Variants in SPRED2 observed in about 807,000 individuals in gnomAD.
The protein encoded by SPRED2 is sprouty-related, EVH1 domain-containing protein 2.
Under a neutral mutation model 43.0 loss-of-function variants are expected in SPRED2, and 47 were observed. That is an observed-to-expected ratio of 1.09 (90% confidence interval 0.87 to 1.40). The LOEUF (loss-of-function observed/expected upper bound fraction) is 1.40. Ranked by LOEUF, SPRED2 falls within the 40% of genes most tolerant of loss-of-function variation. The pLI is 0.00. For missense variants in SPRED2, 561 were observed against 586.4 expected (o/e 0.96, Z 0.45); for synonymous variants, 225 against 225.7 (o/e 1.00, Z 0.03).
chr2:65,432,144 A>C lies in SPRED2; in HGVS notation c.-157T>G, dbSNP rs536246791. ...AGGGCGCCGCAGCAGAAGGGGAAGC[A>C]GGGCGCGGGATAGGGTTTGGGGGAA... On this transcript the variant is annotated 5_prime_UTR_variant, in exon 1 of 6. Transcript: ENST00000356388. 1 of 903,352 alleles carries C rather than the reference A, an allele frequency of 1.1e-6. No homozygotes were observed. The highest frequency in any genetic ancestry group is 1.7e-6 in the Non-Finnish European group (1 of 577,444). The allele number at this position is 903,352 out of a possible 1,614,324, so 56.0% of individuals were successfully genotyped here.
chr2:65,366,885 T>TG (rs1175887085), intron 1 of SPRED2: 2 of 734,744 alleles, frequency 2.7e-6, no homozygotes, highest in African/African-American at 3.7e-5. Flanking sequence ...AGCTGACAGA[T>TG]GCGTTTTCCA....
At position 65,432,090 on chromosome 2, in the gene SPRED2, T is replaced by A. The variant is rs1668876915; in HGVS notation, c.-103A>T. On this transcript the variant is annotated 5_prime_UTR_variant, in exon 1 of 6. Transcript: ENST00000356388. Reference sequence around the variant, plus strand: ...TTCACATCTCCGGAGATCGCCTGATTTGGGGAGGGGGGGCGGCTAGAGATG... The same window carrying A: ...TTCACATCTCCGGAGATCGCCTGATATGGGGAGGGGGGGCGGCTAGAGATG... 6.8e-7 allele frequency: 1 copy of A among 1,476,612 alleles called. No homozygotes were observed. The highest frequency in any genetic ancestry group is 1.2e-5 in the South Asian group (1 of 86,584). The allele number at this position is 1,476,612 out of a possible 1,614,324, so 91.5% of individuals were successfully genotyped here.
intron 1 of SPRED2, chr2:65,377,546 G>A (rs1434200741): frequency 1.1e-5 from 5 of 470,970 alleles, no homozygotes; most frequent in Non-Finnish European, 2.2e-5. Context: ...TCTCATAGAG[G>A]GGGAACACTG....
chr2:65,323,160 A>AT (rs1282555333), intron 4 of SPRED2, among the ~76,000 whole-genome samples: 2 of 152,070 alleles, frequency 1.3e-5, no homozygotes, highest in African/African-American at 4.8e-5. Flanking sequence ...CACCTGGCTA[A>AT]TTTTTTATAT....
rs1188945925 is a variant in SPRED2, at chr2:65,312,293, CTTG to C, written c.*1205_*1207del. 2.0e-6 allele frequency: 2 copies of C among 985,318 alleles called. No individual in the cohort carries two copies. Among genetic ancestry groups the C allele is most frequent in the Non-Finnish European group, 2.4e-6 (2 of 829,936 alleles). 61.0% of individuals were successfully genotyped at this position (985,318 alleles called of 1,614,324 possible). ...CATTGGAAGGGTTTTTACATATGGC[CTTG>C]TTTTTTCCCCAAGTATAAATGAGGA... On this transcript the variant is annotated 3_prime_UTR_variant, in exon 6 of 6. Transcript: ENST00000356388.
Position 65,314,048 on chromosome 2 carries a change from C to T in SPRED2, c.710G>A (p.Arg237Lys), listed in dbSNP as rs775451640. Residue 237 changes from arginine (R) to lysine (K), a missense_variant, in exon 6 of 6, where the codon AGG becomes AAG. By Grantham distance (26) the Arg-to-Lys change is conservative. This residue lies in a region of SPRED2 where 164 missense variants were observed against 164.1 expected (regional missense o/e 1.00). Coordinates refer to ENST00000356388, the MANE Select transcript of SPRED2 (RefSeq NM_181784.3). ...GYEDYRHAPV[R>K]GKYPDPSEDA... ...CTCCGAGGGGTCCGGGTACTTGCCC[C>T]TGACGGGTGCGTGCCGGTAATCCTC... 1 of 1,614,158 alleles carries T rather than the reference C, an allele frequency of 6.2e-7. No homozygotes were observed. The highest frequency in any genetic ancestry group is 1.1e-5 in the South Asian group (1 of 91,082).
chr2:65,393,578 G>A (rs1293736493), intron 1 of SPRED2, among the ~76,000 whole-genome samples: 3 of 151,780 alleles, frequency 2.0e-5, no homozygotes, highest in African/African-American at 4.8e-5. Context: ...CAAATGATCC[G>A]CCCGCCTCTG....
At chr2:65,356,953 T>A (rs1204331713) in intron 1 of SPRED2, among the ~76,000 whole-genome samples, 1 of 152,104 alleles carries the variant, frequency 6.6e-6, no homozygotes, top group Non-Finnish European at 1.5e-5. Context: ...AAGATCACGC[T>A]ACTGCACTCC....
intron 2 of SPRED2, among the ~76,000 whole-genome samples, chr2:65,336,392 G>C (rs1289505539): frequency 6.6e-6 from 1 of 151,558 alleles, no homozygotes; most frequent in African/African-American, 2.4e-5. Flanking sequence ...ATAAATTAAG[G>C]GTTGTCTAAT....
At chr2:65,416,587 G>A (rs1312151639) in intron 1 of SPRED2, among the ~76,000 whole-genome samples, 1 of 152,114 alleles carries the variant, frequency 6.6e-6, no homozygotes, top group Non-Finnish European at 1.5e-5. Flanking sequence ...GAGGGGGGTC[G>A]CTGGAAGCCC....
chr2:65,390,148 C>T (rs1199514541), intron 1 of SPRED2, among the ~76,000 whole-genome samples: 1 of 152,176 alleles, frequency 6.6e-6, no homozygotes, highest in East Asian at 1.9e-4. Context: ...CCAAAATCAC[C>T]TTTCTGAGAG....
chr2:65,427,265 G>A (rs1201738075), intron 1 of SPRED2, among the ~76,000 whole-genome samples: 1 of 152,044 alleles, frequency 6.6e-6, no homozygotes, highest in Non-Finnish European at 1.5e-5. Flanking sequence ...TTTTGGTAGA[G>A]ACAGGGTCTC....
At chr2:65,333,806 C>T (rs67212621) in intron 3 of SPRED2, among the ~76,000 whole-genome samples, 7,836 of 152,160 alleles carry the variant, frequency 0.051, 295 homozygotes, top group Middle Eastern at 0.15. Flanking sequence ...TTCCTCTTCC[C>T]CCAAATCCAC....
chr2:65,421,267 T>G (rs1403010142), intron 1 of SPRED2, among the ~76,000 whole-genome samples: 2 of 152,226 alleles, frequency 1.3e-5, no homozygotes, highest in Non-Finnish European at 1.5e-5. Flanking sequence ...TACCTCTCAG[T>G]GTATGATCAC....
In SPRED2 at chr2:65,338,789, T is replaced by C. The variant is rs1240431495; in HGVS notation, c.205-4016A>G. On this transcript the variant is annotated intron_variant, in intron 2 of 5. Transcript: ENST00000356388. ...CTGGGATGTGAGGAGCCCCTCTGCC[T>C]GGCTGCCCAGTCTGGAAAGTGAGGA... 4.7e-5 allele frequency among the ~76,000 whole-genome samples: 7 copies of C among 147,494 alleles called. No homozygotes were observed. In the East Asian group the frequency reaches 1.4e-3, roughly 30 times the overall value.
Position 65,432,320 on chromosome 2 carries a change from T to C in SPRED2, c.-333A>G. 9.6e-6 allele frequency: 2 copies of C among 209,064 alleles called. No individual in the cohort carries two copies. The highest frequency in any genetic ancestry group is 9.3e-6 in the Non-Finnish European group (1 of 108,036). The allele number at this position is 209,064 out of a possible 1,614,324, so 13.0% of individuals were successfully genotyped here. On this transcript the variant is annotated 5_prime_UTR_variant, in exon 1 of 6. Coordinates refer to ENST00000356388, the MANE Select transcript of SPRED2 (RefSeq NM_181784.3). ...AGAGCAGGAGAAAAACAAGCGCGCC[T>C]CGGAGCGGCAGGGACTGCTGCGAGG...
At chr2:65,381,063 A>C (rs1364258543) in intron 1 of SPRED2, among the ~76,000 whole-genome samples, 2 of 152,208 alleles carry the variant, frequency 1.3e-5, no homozygotes, top group Non-Finnish European at 2.9e-5. Flanking sequence ...GGAGTAGCCC[A>C]ACCTATGAAG....
chr2:65,349,860 G>A (rs1324880493), intron 1 of SPRED2, among the ~76,000 whole-genome samples: 1 of 152,222 alleles, frequency 6.6e-6, no homozygotes, highest in African/African-American at 2.4e-5. Flanking sequence ...ATGGGATTGG[G>A]GGAAGGGGAG....
intron 5 of SPRED2, among the ~76,000 whole-genome samples, chr2:65,314,692 TAA>T (rs1169997903): frequency 6.6e-6 from 1 of 152,204 alleles, no homozygotes. Context: ...TGAAATAGAA[TAA>T]GGACACTGGA....
Sources: allele counts gnomAD v4.1 joint callset (sites outside exome capture counted in the v4.1 genomes callset), GRCh38; gene constraint gnomAD v4.1.1; regional missense constraint gnomAD v4.1.1; transcripts MANE v1.5; gene names NCBI Gene and HGNC (gene_info 2026-07-23, HGNC 2026-07-21).